Variants in TMTC2 observed in about 807,000 individuals in gnomAD.
TMTC2 encodes the protein protein O-mannosyl-transferase TMTC2.
In TMTC2, 43 loss-of-function variants were observed where a neutral mutation model predicts 82.4. The ratio of observed to expected loss-of-function variants is 0.52; its 90% CI spans 0.41 to 0.67. The LOEUF is 0.67. Ranked by LOEUF, TMTC2 falls within the 30% of genes least tolerant of loss-of-function variation. The probability of loss-of-function intolerance (pLI) is 0.00; values close to 1 mark genes in which losing one functional copy is unlikely to be tolerated. For synonymous variants in TMTC2, 408 were observed against 381.9 expected (o/e 1.07, Z -0.80); for missense variants, 919 against 1,012.4 (o/e 0.91, Z 1.25).
chr12:82,723,656 T>G (rs139215187), intron 1 of TMTC2, among the ~76,000 whole-genome samples: 15 of 152,328 alleles, frequency 9.8e-5, no homozygotes, highest in African/African-American at 3.1e-4. Flanking sequence ...AGGTGTGGAA[T>G]TTTCCACTTG....
intron 1 of TMTC2, among the ~76,000 whole-genome samples, chr12:82,762,161 G>T (rs1876684190): frequency 6.6e-6 from 1 of 151,860 alleles, no homozygotes; most frequent in South Asian, 2.1e-4. Context: ...TAGAGATGGG[G>T]TTTCACCATG....
chr12:82,995,542 G>A (rs1879581784), intron 8 of TMTC2, among the ~76,000 whole-genome samples: 1 of 152,182 alleles, frequency 6.6e-6, no homozygotes, highest in African/African-American at 2.4e-5. Context: ...CATGAAGCCT[G>A]CAGAGCTATG....
intron 2 of TMTC2, among the ~76,000 whole-genome samples, chr12:82,891,219 T>G (rs1371658150): frequency 6.6e-6 from 1 of 152,220 alleles, no homozygotes; most frequent in African/African-American, 2.4e-5. Flanking sequence ...TTTTATCTTG[T>G]TTTAAGGCCA....
intron 1 of TMTC2, among the ~76,000 whole-genome samples, chr12:82,802,819 C>A (rs1879075307): frequency 6.6e-6 from 1 of 152,098 alleles, no homozygotes; most frequent in Non-Finnish European, 1.5e-5. Context: ...TTAGGAGTAA[C>A]TCCTTTGAAC....
At chr12:83,096,507 G>A (rs1745728766) in intron 11 of TMTC2, among the ~76,000 whole-genome samples, 2 of 152,212 alleles carry the variant, frequency 1.3e-5, no homozygotes, top group Non-Finnish European at 2.9e-5. Flanking sequence ...AATTTGGACA[G>A]TTCCACATGG....
intron 11 of TMTC2, among the ~76,000 whole-genome samples, chr12:83,068,246 GA>G (rs1214869114): frequency 1.3e-5 from 2 of 151,948 alleles, no homozygotes; most frequent in Non-Finnish European, 2.9e-5. Flanking sequence ...AGCTCTGGGG[GA>G]AAAGATTATT....
chr12:82,764,733 C>T (rs1171525128), intron 1 of TMTC2, among the ~76,000 whole-genome samples: 1 of 151,840 alleles, frequency 6.6e-6, no homozygotes, highest in Non-Finnish European at 1.5e-5. Flanking sequence ...TTGAGGGCTC[C>T]AATTTTAAAG....
chr12:82,738,735 G>A (rs557120702), intron 1 of TMTC2, among the ~76,000 whole-genome samples: 43 of 152,272 alleles, frequency 2.8e-4, no homozygotes, highest in Middle Eastern at 6.8e-3. Context: ...TGAGGCAATA[G>A]TGTCAAACCA....
intron 8 of TMTC2, among the ~76,000 whole-genome samples, chr12:82,991,430 TTTA>T (rs1162495213): frequency 6.6e-6 from 1 of 152,188 alleles, no homozygotes; most frequent in Non-Finnish European, 1.5e-5. Context: ...TAAACAGAAT[TTTA>T]TTATTAGGCA....
At chr12:82,923,633 C>A (rs147480335) in intron 3 of TMTC2, among the ~76,000 whole-genome samples, 69 of 152,054 alleles carry the variant, frequency 4.5e-4, no homozygotes, top group Non-Finnish European at 9.3e-4. Context: ...TTTAAGCTAT[C>A]TGGGGTTTAT....
chr12:83,003,848 G>T (rs926296621), intron 8 of TMTC2, among the ~76,000 whole-genome samples: 1 of 151,966 alleles, frequency 6.6e-6, no homozygotes. Flanking sequence ...TCTTGGGGGT[G>T]CTTATTTTTT....
At chr12:82,824,853 C>T (rs1220610691) in intron 1 of TMTC2, among the ~76,000 whole-genome samples, 1 of 152,076 alleles carries the variant, frequency 6.6e-6, no homozygotes, top group Non-Finnish European at 1.5e-5. Context: ...CTTTGGGAGT[C>T]CAAGGCAGGC....
At chr12:83,047,406 C>T (rs1483596614) in intron 9 of TMTC2, among the ~76,000 whole-genome samples, 1 of 152,182 alleles carries the variant, frequency 6.6e-6, no homozygotes, top group Non-Finnish European at 1.5e-5. Context: ...TATTTTCCAT[C>T]AGTTCTCGGC....
chr12:82,979,160 G>T lies in TMTC2; in HGVS notation c.1949-6765G>T, dbSNP rs1237475648. ...TTAGCCACTCAATGTTTTTATTGGA[G>T]AATTTAGTCCATTTATATTCAATAT... On this transcript the variant is annotated intron_variant, in intron 7 of 11. Coordinates refer to ENST00000321196, the MANE Select transcript of TMTC2 (RefSeq NM_152588.3). 5.3e-5 allele frequency among the ~76,000 whole-genome samples: 8 copies of T among 151,294 alleles called. 1 individual carries two copies. The highest frequency in any genetic ancestry group is 1.2e-4 in the Non-Finnish European group (8 of 67,670).
intron 11 of TMTC2, 46 bp from the exon 12 acceptor site, chr12:83,132,164 G>C (rs1257092736): frequency 6.5e-7 from 1 of 1,547,406 alleles, no homozygotes; most frequent in African/African-American, 1.4e-5. Flanking sequence ...ATGAAGGAAA[G>C]CTTGAAATGG....
At chr12:82,822,679 C>A (rs1316661573) in intron 1 of TMTC2, among the ~76,000 whole-genome samples, 1 of 152,106 alleles carries the variant, frequency 6.6e-6, no homozygotes, top group Non-Finnish European at 1.5e-5. Flanking sequence ...TGTGGCAAAC[C>A]TGATTTTCAT....
In TMTC2 at chr12:82,716,432, C is replaced by T. The variant is rs191303851; in HGVS notation, c.83+28763C>T. ...AGGCTGGAGTGCAGTGGCGCGATCTCGACTCACTGCAAGCTCCGCCTCCCG... is the reference window on the plus strand; with the variant it reads ...AGGCTGGAGTGCAGTGGCGCGATCTTGACTCACTGCAAGCTCCGCCTCCCG... On this transcript the variant is annotated intron_variant, in intron 1 of 11. Transcript: ENST00000321196. Among the ~76,000 whole-genome samples the T allele has an allele frequency of 2.4e-3, 361 of 149,102 alleles. 1 individual carries two copies. Among genetic ancestry groups the T allele is most frequent in the African/African-American group, 8.4e-3 (338 of 40,354 alleles).
chr12:82,983,067 G>A (rs1234314343), intron 7 of TMTC2, among the ~76,000 whole-genome samples: 1 of 152,000 alleles, frequency 6.6e-6, no homozygotes, highest in African/African-American at 2.4e-5. Context: ...ATGTGTTAAG[G>A]CCACTTAGGG....
intron 9 of TMTC2, among the ~76,000 whole-genome samples, chr12:83,044,265 C>T (rs943100945): frequency 6.6e-6 from 1 of 152,090 alleles, no homozygotes; most frequent in African/African-American, 2.4e-5. Flanking sequence ...TATTAAATCT[C>T]CAAAGTGTGC....
Sources: gnomAD v4.1 joint callset for allele counts (sites outside exome capture counted in the v4.1 genomes callset) on GRCh38, gnomAD v4.1.1 for gene constraint, MANE v1.5 for transcripts, NCBI Gene and HGNC (gene_info 2026-07-23, HGNC 2026-07-21) for gene names.